Variants in TENM3 observed in about 807,000 individuals in gnomAD.
The protein encoded by TENM3 is teneurin-3.
In TENM3, 63 loss-of-function variants were observed where a neutral mutation model predicts 255.1. The observed-to-expected ratio is 0.25, with a 90% confidence interval of 0.20 to 0.30. The LOEUF is 0.30. TENM3 is among the 10% of genes least tolerant of loss of function. The pLI is 1.00. For synonymous variants in TENM3, 1,306 were observed against 1,322.3 expected (o/e 0.99, Z 0.27); for missense variants, 2,929 against 3,461.1 (o/e 0.85, Z 3.86).
chr4:181,454,392 T>C, the TENM3 span, among the ~76,000 whole-genome samples: 1 of 152,130 alleles, frequency 6.6e-6, no homozygotes, highest in Non-Finnish European at 1.5e-5. Context: ...TGCCTAGTGG[T>C]AGTGTAGCCA....
the TENM3 span, among the ~76,000 whole-genome samples, chr4:181,660,368 G>A: frequency 1.1e-4 from 16 of 152,014 alleles, no homozygotes; most frequent in African/African-American, 3.9e-4. Flanking sequence ...CGGCATTACT[G>A]TACATTTTTG....
the TENM3 span, among the ~76,000 whole-genome samples, chr4:181,805,704 C>T: frequency 4.4e-3 from 664 of 152,114 alleles, 8 homozygotes; most frequent in African/African-American, 0.015. Context: ...CCATTTGCAG[C>T]GGAACCTTAG....
At chr4:182,140,098 G>C (rs914577093), upstream of TENM3, among the ~76,000 whole-genome samples, 14 of 152,156 alleles carry the variant, frequency 9.2e-5, no homozygotes, top group Admixed American at 8.5e-4. Flanking sequence ...TTTTTTGCCA[G>C]TGGGGGGAAA....
the TENM3 span, among the ~76,000 whole-genome samples, chr4:181,986,892 A>G: frequency 1.3e-5 from 2 of 152,156 alleles, no homozygotes; most frequent in East Asian, 3.9e-4. Context: ...TTGAGAAAAA[A>G]TGCTATAAAG....
At position 182,600,897 on chromosome 4, in the gene TENM3, CTTT is replaced by C. The variant is rs548783934; in HGVS notation, c.512-6_512-4del. ...TATATATATATAATGAGTTCTCTTTCTTTTTTTTTTTTTTTTTTTTTTTCAGAG... is the reference window on the plus strand; with the variant it reads ...TATATATATATAATGAGTTCTCTTTCTTTTTTTTTTTTTTTTTTTTCAGAG... On this transcript the variant is annotated intron_variant, in intron 3 of 27. Coordinates refer to ENST00000511685, the MANE Select transcript of TENM3 (RefSeq NM_001080477.4). 0.025 allele frequency: 12,107 copies of C among 487,488 alleles called. 1 individual carries two copies. Among genetic ancestry groups the C allele is most frequent in the East Asian group, 0.048 (1,058 of 22,238 alleles). The allele number at this position is 487,488 out of a possible 1,614,324, so 30.2% of individuals were successfully genotyped here.
intron 1 of TENM3, among the ~76,000 whole-genome samples, chr4:182,210,993 T>C (rs1251482768): frequency 6.6e-6 from 1 of 152,054 alleles, no homozygotes; most frequent in Non-Finnish European, 1.5e-5. Context: ...CCTAAGGGAG[T>C]GATGTGTGGA....
chr4:181,868,482 C>T, the TENM3 span, among the ~76,000 whole-genome samples: 2 of 152,136 alleles, frequency 1.3e-5, no homozygotes, highest in Non-Finnish European at 2.9e-5. Context: ...ATTATCTCAC[C>T]TTTACTCTCA....
the TENM3 span, among the ~76,000 whole-genome samples, chr4:181,968,745 C>T: frequency 2.0e-5 from 3 of 152,090 alleles, no homozygotes; most frequent in East Asian, 1.9e-4. Context: ...AGAGATCTTT[C>T]GTACAACATT....
the TENM3 span, among the ~76,000 whole-genome samples, chr4:181,499,942 C>T: frequency 4.4e-4 from 67 of 152,320 alleles, 1 homozygote; most frequent in Admixed American, 2.0e-4. Context: ...AGCACATCTT[C>T]TCAAACCCTT....
intron 3 of TENM3, among the ~76,000 whole-genome samples, chr4:182,598,614 G>T (rs1035517712): frequency 1.3e-5 from 2 of 152,172 alleles, no homozygotes; most frequent in African/African-American, 4.8e-5. Context: ...CAGTAACAGT[G>T]TTCTTGTCCA....
At chr4:182,166,515 A>G (rs1025480019) in intron 1 of TENM3, among the ~76,000 whole-genome samples, 1 of 152,076 alleles carries the variant, frequency 6.6e-6, no homozygotes, top group Non-Finnish European at 1.5e-5. Context: ...TGCCAAGCGG[A>G]TCTTTGTGTC....
At chr4:182,616,816 A>T (rs1271596489) in intron 4 of TENM3, among the ~76,000 whole-genome samples, 1 of 152,212 alleles carries the variant, frequency 6.6e-6, no homozygotes, top group East Asian at 1.9e-4. Context: ...ATTGAGAATC[A>T]GTTGCCAGAA....
chr4:181,799,024 C>T, the TENM3 span, among the ~76,000 whole-genome samples: 1 of 152,188 alleles, frequency 6.6e-6, no homozygotes, highest in African/African-American at 2.4e-5. Context: ...TAGACGGCCG[C>T]TTATGCACTG....
the TENM3 span, among the ~76,000 whole-genome samples, chr4:181,981,673 A>G: frequency 6.6e-6 from 1 of 152,214 alleles, no homozygotes; most frequent in Non-Finnish European, 1.5e-5. Flanking sequence ...ACTGATAAGC[A>G]AAATAAGAAT....
At chr4:182,796,567 G>A in intron 26 of TENM3, 70 bp from the exon 27 acceptor site, 1 of 1,362,800 alleles carries the variant, frequency 7.3e-7, no homozygotes, top group Non-Finnish European at 9.7e-7. Flanking sequence ...TCTTTTTAAG[G>A]TAAGAATTTA....
intron 1 of TENM3, among the ~76,000 whole-genome samples, chr4:182,156,503 C>G (rs921399753): frequency 1.3e-5 from 2 of 152,158 alleles, no homozygotes; most frequent in East Asian, 1.9e-4. Flanking sequence ...AACCCTCCCC[C>G]TCTCCCCGCC....
At chr4:182,305,891 A>C (rs1762104982) in intron 1 of TENM3, among the ~76,000 whole-genome samples, 1 of 152,174 alleles carries the variant, frequency 6.6e-6, no homozygotes, top group Non-Finnish European at 1.5e-5. Context: ...TAATGGTGGA[A>C]GGGAAAGAAT....
chr4:181,579,449 A>C, the TENM3 span, among the ~76,000 whole-genome samples: 1 of 152,208 alleles, frequency 6.6e-6, no homozygotes, highest in Non-Finnish European at 1.5e-5. Context: ...TTGATACACT[A>C]TCTCTTCTGA....
chr4:182,793,001 G>A lies in TENM3; in HGVS notation c.6329G>A (p.Gly2110Asp). The A allele has an allele frequency of 1.2e-6, 2 of 1,613,922 alleles. No homozygotes were observed. Among genetic ancestry groups the A allele is most frequent in the Non-Finnish European group, 1.7e-6 (2 of 1,179,860 alleles). The stretch of plus-strand genomic sequence containing the variant: ...ATTACAATTCAGTATGATAACATGG[G>A]TCGGGTAACCAAGAGAGAGATTAAA... ...YWITIQYDNM[G>D]RVTKREIKIG... Residue 2110 changes from glycine to aspartate, a missense_variant, in exon 26 of 28, where the codon GGT (glycine) becomes GAT (aspartate). Physicochemically the swap from Gly to Asp is moderately conservative, Grantham distance 94 (BLOSUM62 -1). Coordinates refer to ENST00000511685, the MANE Select transcript of TENM3 (RefSeq NM_001080477.4). The surrounding 1 kb of genome is among the most constrained non-coding windows in gnomAD (Gnocchi z 5.7).
Sources: gnomAD v4.1 joint callset for allele counts (sites outside exome capture counted in the v4.1 genomes callset) on GRCh38, gnomAD v4.1.1 for gene constraint, Gnocchi (gnomAD v3.1) non-coding constraint, MANE v1.5 for transcripts, NCBI Gene and HGNC (gene_info 2026-07-23, HGNC 2026-07-21) for gene names.